The following UPK1A variants were observed in gnomAD, a reference collection of about 807,000 sequenced individuals.
UPK1A encodes uroplakin-1a.
UPK1A carries 31 observed loss-of-function variants against 32.3 expected under a neutral mutation model. The ratio of observed to expected loss-of-function variants is 0.96; its 90% CI spans 0.72 to 1.30. The LOEUF (loss-of-function observed/expected upper bound fraction) is 1.30. Ranked by LOEUF, UPK1A falls within the 50% of genes most tolerant of loss-of-function variation. The pLI, the probability that UPK1A is intolerant of heterozygous loss-of-function variation, is 0.00. For synonymous variants in UPK1A, 135 were observed against 137.1 expected, an observed-to-expected ratio of 0.98 and a Z score of 0.11; for missense variants, 340 against 357.4, an observed-to-expected ratio of 0.95 and a Z score of 0.39.
rs113459174 is a variant in UPK1A, at chr19:35,668,547, G to A, written c.178G>A (p.Val60Ile). ...GATGGGAGTCTCAGGCAAGGATGAC[G>A]TCTTCGCTGGTGCCTGGATTGCCAT... The change falls in exon 3 of 8, where the codon GTC (valine) becomes ATC (isoleucine). Residue 60 changes from valine to isoleucine, a missense_variant. Val to Ile is a conservative substitution (Grantham distance 29). Coordinates refer to ENST00000617999, the Ensembl canonical transcript of UPK1A. The A allele has an allele frequency of 8.1e-6, 13 of 1,614,076 alleles. No homozygotes were observed. In the Middle Eastern group the frequency reaches 4.9e-4, roughly 61 times the overall value.
At chr19:35,668,142 C>T in intron 2 of UPK1A, 3 of 442,520 alleles carry the variant, frequency 6.8e-6, no homozygotes, top group South Asian at 6.6e-5. Flanking sequence ...AATAACAGCA[C>T]TGTCAAGGGA....
At chr19:35,669,657 C>A (rs543111630) in intron 3 of UPK1A, among the ~76,000 whole-genome samples, 1 of 151,920 alleles carries the variant, frequency 6.6e-6, no homozygotes, top group Non-Finnish European at 1.5e-5. Flanking sequence ...GATGACAAAG[C>A]GAGACTCCAT....
At chr19:35,668,597 G>A (rs774385883) in exon 3 of UPK1A, 2 of 1,614,054 alleles carry the variant, frequency 1.2e-6, no homozygotes, top group African/African-American at 1.3e-5. Flanking sequence ...CCTTCTTCAT[G>A]GTAGCCAGTT....
chr19:35,666,947 G>C, intron 2 of UPK1A, 51 bp downstream of exon 2: 4 of 1,592,092 alleles, frequency 2.5e-6, no homozygotes, highest in Non-Finnish European at 3.4e-6. Context: ...GTGGGGAGGG[G>C]ACAGTCCTGA....
chr19:35,677,683 C>G, intron 6 of UPK1A, 129 bp from the exon 7 acceptor site: 1 of 1,185,502 alleles, frequency 8.4e-7, no homozygotes, highest in Non-Finnish European at 1.2e-6. Context: ...TGCCATGGTC[C>G]CCATTGCACA....
intron 3 of UPK1A, among the ~76,000 whole-genome samples, chr19:35,670,950 A>G (rs1968085238): frequency 6.6e-6 from 1 of 151,870 alleles, no homozygotes; most frequent in South Asian, 2.1e-4. Context: ...CCTGGCCTCA[A>G]GTGAGCCTCC....
intron 6 of UPK1A, chr19:35,676,344 C>A: frequency 2.2e-6 from 1 of 459,814 alleles, no homozygotes. Flanking sequence ...GTGCGCACCA[C>A]CCTCTTGGCT....
chr19:35,671,744 G>A (rs1357618193), intron 3 of UPK1A, among the ~76,000 whole-genome samples: 1 of 151,712 alleles, frequency 6.6e-6, no homozygotes, highest in Non-Finnish European at 1.5e-5. Flanking sequence ...TTACAGGCAT[G>A]AGCCACCGTG....
At chr19:35,676,510 C>T (rs557919984) in intron 6 of UPK1A, among the ~76,000 whole-genome samples, 2 of 151,996 alleles carry the variant, frequency 1.3e-5, no homozygotes, top group South Asian at 4.2e-4. Context: ...TTTTCTAGTG[C>T]TCCCCCAACT....
At chr19:35,670,184 C>A (rs73600889) in intron 3 of UPK1A, among the ~76,000 whole-genome samples, 1 of 152,068 alleles carries the variant, frequency 6.6e-6, no homozygotes. Flanking sequence ...GAGGCCAGAG[C>A]GGGCCAGGAG....
intron 3 of UPK1A, 71 bp from the exon 4 acceptor site, chr19:35,673,161 G>A (rs1332448566): frequency 6.5e-7 from 1 of 1,527,996 alleles, no homozygotes; most frequent in Non-Finnish European, 9.1e-7. Context: ...CATTTCCCCA[G>A]TGATGCTTCC....
chr19:35,675,116 T>C (rs1049049566), intron 5 of UPK1A, among the ~76,000 whole-genome samples: 9 of 151,560 alleles, frequency 5.9e-5, no homozygotes, highest in African/African-American at 2.2e-4. Context: ...CCAAGTCCTC[T>C]AGCTAGCCAG....
At chr19:35,677,393 G>A (rs1205028378) in intron 6 of UPK1A, among the ~76,000 whole-genome samples, 1 of 151,996 alleles carries the variant, frequency 6.6e-6, no homozygotes, top group East Asian at 1.9e-4. Flanking sequence ...GGGCGTAGTG[G>A]TGCACACCTG....
intron 3 of UPK1A, among the ~76,000 whole-genome samples, chr19:35,670,571 C>T (rs1463670739): frequency 9.9e-6 from 1 of 101,190 alleles, no homozygotes; most frequent in Non-Finnish European, 2.0e-5. Context: ...CTCCCCTCCC[C>T]ACCTCCCTCC....
chr19:35,671,842 A>G (rs891365119), intron 3 of UPK1A, among the ~76,000 whole-genome samples: 40 of 152,188 alleles, frequency 2.6e-4, no homozygotes, highest in African/African-American at 9.6e-4. Context: ...CCTGATTTCA[A>G]CAACATCAGC....
At chr19:35,672,631 G>A (rs769322486) in intron 3 of UPK1A, among the ~76,000 whole-genome samples, 2 of 152,234 alleles carry the variant, frequency 1.3e-5, no homozygotes, top group Admixed American at 6.5e-5. Context: ...GCAGTGGTGC[G>A]ATCATAGCTC....
intron 6 of UPK1A, among the ~76,000 whole-genome samples, chr19:35,676,829 G>A (rs989604178): frequency 2.6e-5 from 4 of 151,872 alleles, no homozygotes; most frequent in Non-Finnish European, 4.4e-5. Flanking sequence ...AACTCTGGAG[G>A]TGAAGGTTGC....
At chr19:35,669,754 G>C (rs1302988199) in intron 3 of UPK1A, among the ~76,000 whole-genome samples, 1 of 152,108 alleles carries the variant, frequency 6.6e-6, no homozygotes, top group Non-Finnish European at 1.5e-5. Flanking sequence ...TACCAGATGA[G>C]GAAACTGAGG....
At chr19:35,671,304 G>A (rs915993627) in intron 3 of UPK1A, among the ~76,000 whole-genome samples, 14 of 145,822 alleles carry the variant, frequency 9.6e-5, no homozygotes, top group Middle Eastern at 3.6e-3. Context: ...GGAGAATGGC[G>A]TGAACCCGGG....
Sources: gnomAD v4.1 joint callset for allele counts (sites outside exome capture counted in the v4.1 genomes callset) on GRCh38, gnomAD v4.1.1 for gene constraint, MANE v1.5 for transcripts, NCBI Gene and HGNC (gene_info 2026-07-23, HGNC 2026-07-21) for gene names.